Variants in MOB3B observed in about 807,000 individuals in gnomAD.
The protein encoded by MOB3B is MOB kinase activator 3B, also known as MOB kinase activator-like 2B.
In MOB3B, 7 loss-of-function variants were observed where a neutral mutation model predicts 18.7. That is an observed-to-expected ratio of 0.37 (90% CI 0.21 to 0.70). MOB3B has a LOEUF of 0.70. Among genes scored for constraint, MOB3B ranks in the 30% least tolerant of loss-of-function variants. MOB3B has a pLI of 0.52. For synonymous variants in MOB3B, 111 were observed against 99.9 expected, an observed-to-expected ratio of 1.11 and a Z score of -0.66; for missense variants, 253 against 281.3, an observed-to-expected ratio of 0.90 and a Z score of 0.72.
At chr9:27,413,739 T>A (rs915395272) in intron 2 of MOB3B, among the ~76,000 whole-genome samples, 2 of 152,108 alleles carry the variant, frequency 1.3e-5, no homozygotes, top group Non-Finnish European at 2.9e-5. Flanking sequence ...TGGTTGAAAG[T>A]AGGGGTGGGA....
At chr9:27,333,497 G>A (rs779503653) in intron 3 of MOB3B, among the ~76,000 whole-genome samples, 1 of 152,104 alleles carries the variant, frequency 6.6e-6, no homozygotes, top group Non-Finnish European at 1.5e-5. Flanking sequence ...TACCCAGGGT[G>A]CTCTTTACAA....
intron 1 of MOB3B, among the ~76,000 whole-genome samples, chr9:27,480,990 G>C (rs1462095774): frequency 6.6e-6 from 1 of 152,150 alleles, no homozygotes; most frequent in Non-Finnish European, 1.5e-5. Flanking sequence ...ACTAGTGTAA[G>C]AATTGCGGGG....
intron 2 of MOB3B, among the ~76,000 whole-genome samples, chr9:27,389,442 C>CTTGAACATGCCGAGAGCTTCTCTAT (rs1400923645): frequency 6.6e-6 from 1 of 152,192 alleles, no homozygotes; most frequent in South Asian, 2.1e-4. Flanking sequence ...AGCTTCTCTA[C>CTTGAACATGCCGAGAGCTTCTCTAT]TTCAGGTCCT....
intron 2 of MOB3B, among the ~76,000 whole-genome samples, chr9:27,391,525 G>A (rs887615279): frequency 5.3e-5 from 8 of 152,192 alleles, no homozygotes; most frequent in East Asian, 1.9e-4. Flanking sequence ...TGCTGAAAAC[G>A]TTTGGAAACC....
At chr9:27,471,574 A>T (rs527372252) in intron 1 of MOB3B, among the ~76,000 whole-genome samples, 2 of 152,278 alleles carry the variant, frequency 1.3e-5, no homozygotes, top group East Asian at 3.9e-4. Context: ...ACTATATCAC[A>T]TTGCTCAACG....
In MOB3B at chr9:27,328,198, A is replaced by AGAAAAAGGAGAGTAGGACAGGTTAG. The variant is rs1563841028; in HGVS notation, c.*2388_*2389insCTAACCTGTCCTACTCTCCTTTTTC. On this transcript the variant is annotated 3_prime_UTR_variant, in exon 4 of 4. Coordinates refer to ENST00000262244, the MANE Select transcript of MOB3B (RefSeq NM_024761.5). ...AATTTCCCAAAATTAAAATGAAAGC[A>AGAAAAAGGAGAGTAGGACAGGTTAG]GAAAAAGAAGGAGAGTAGGACAGGT... 2 of 152,216 alleles carry AGAAAAAGGAGAGTAGGACAGGTTAG rather than the reference A, an allele frequency of 1.3e-5. No homozygotes were observed. 9.4% of individuals were successfully genotyped at this position (152,216 alleles called of 1,614,324 possible).
chr9:27,378,952 T>C (rs1821532948), intron 2 of MOB3B, among the ~76,000 whole-genome samples: 1 of 152,196 alleles, frequency 6.6e-6, no homozygotes, highest in South Asian at 2.1e-4. Flanking sequence ...TTGCTCTCTT[T>C]CCACTGCTCT....
At chr9:27,350,955 T>A (rs552523079) in intron 3 of MOB3B, among the ~76,000 whole-genome samples, 1 of 147,564 alleles carries the variant, frequency 6.8e-6, no homozygotes, top group African/African-American at 2.5e-5. Context: ...CAGGCTGGAG[T>A]GTGATGGCAC....
At chr9:27,427,524 C>T (rs1444987628) in intron 2 of MOB3B, among the ~76,000 whole-genome samples, 2 of 152,156 alleles carry the variant, frequency 1.3e-5, no homozygotes, top group African/African-American at 4.8e-5. Context: ...GTAGTCATGC[C>T]TCTGGGATAA....
chr9:27,363,268 T>C (rs1031537311), intron 2 of MOB3B, among the ~76,000 whole-genome samples: 3 of 152,032 alleles, frequency 2.0e-5, no homozygotes, highest in African/African-American at 4.8e-5. Context: ...TTTCGTTTTT[T>C]TGTTTGTTTG....
At chr9:27,465,901 G>T (rs1415713936) in intron 1 of MOB3B, among the ~76,000 whole-genome samples, 3 of 152,138 alleles carry the variant, frequency 2.0e-5, no homozygotes, top group Non-Finnish European at 2.9e-5. Context: ...CCTGGGACCG[G>T]CCCACAAAAC....
intron 2 of MOB3B, among the ~76,000 whole-genome samples, chr9:27,425,291 C>T (rs568482422): frequency 6.8e-4 from 103 of 151,400 alleles, no homozygotes; most frequent in African/African-American, 2.5e-3. Flanking sequence ...AGGAGAATCG[C>T]TTGAACCCAG....
At chr9:27,486,241 CAA>C (rs1819727779) in intron 1 of MOB3B, among the ~76,000 whole-genome samples, 1 of 152,186 alleles carries the variant, frequency 6.6e-6, no homozygotes, top group Admixed American at 6.5e-5. Context: ...AGAAGCAAGT[CAA>C]AGAGTATGAA....
At position 27,488,660 on chromosome 9, in the gene MOB3B, C is replaced by T. The variant is rs1359234394; in HGVS notation, c.-198-32912G>A. Among the ~76,000 whole-genome samples, 5 of 152,144 alleles carry T rather than the reference C, an allele frequency of 3.3e-5. No homozygotes were observed. In the East Asian group the frequency reaches 7.7e-4, roughly 23 times the overall value. On this transcript the variant is annotated intron_variant, in intron 1 of 3. Coordinates refer to ENST00000262244, the MANE Select transcript of MOB3B (RefSeq NM_024761.5). ...TGACCTTACGTGGTCTACCCATCTC[C>T]GCCTGCCAAAGTGCTGGGATTACAG...
chr9:27,493,237 T>C (rs1819846896), intron 1 of MOB3B, among the ~76,000 whole-genome samples: 1 of 152,180 alleles, frequency 6.6e-6, no homozygotes, highest in Non-Finnish European at 1.5e-5. Context: ...GCTGAAGCCA[T>C]GACAGAAGAA....
chr9:27,412,186 A>G (rs1252735991), intron 2 of MOB3B, among the ~76,000 whole-genome samples: 2 of 151,806 alleles, frequency 1.3e-5, no homozygotes, highest in African/African-American at 2.4e-5. Flanking sequence ...ATGACGAAAA[A>G]AAAAAAAAAG....
intron 2 of MOB3B, among the ~76,000 whole-genome samples, chr9:27,382,148 C>T (rs1193234682): frequency 2.6e-5 from 4 of 152,174 alleles, no homozygotes; most frequent in Non-Finnish European, 4.4e-5. Flanking sequence ...TATGTGTTGA[C>T]AGCTTGGCAT....
chr9:27,398,916 T>TA (rs1821838001), intron 2 of MOB3B, among the ~76,000 whole-genome samples: 1 of 151,992 alleles, frequency 6.6e-6, no homozygotes, highest in African/African-American at 2.4e-5. Flanking sequence ...AGGCTGAAAC[T>TA]ATATGCAATT....
At chr9:27,374,526 T>C (rs1030017251) in intron 2 of MOB3B, among the ~76,000 whole-genome samples, 2 of 152,102 alleles carry the variant, frequency 1.3e-5, no homozygotes, top group African/African-American at 4.8e-5. Context: ...AACTGGTCTT[T>C]TGGAATTTGG....
Sources: gnomAD v4.1 joint callset for allele counts (sites outside exome capture counted in the v4.1 genomes callset) on GRCh38, gnomAD v4.1.1 for gene constraint, MANE v1.5 for transcripts, NCBI Gene and HGNC (gene_info 2026-07-23, HGNC 2026-07-21) for gene names.